The following SNTG2 variants were observed in gnomAD, a reference collection of about 807,000 sequenced individuals.
SNTG2 encodes gamma-2-syntrophin.
In SNTG2, 74 loss-of-function variants were observed where a neutral mutation model predicts 70.9. The observed-to-expected ratio is 1.04, with a 90% CI of 0.86 to 1.27. SNTG2 has a LOEUF of 1.27. SNTG2 is among the 50% of genes most tolerant of loss of function. The pLI, the probability that SNTG2 is intolerant of heterozygous loss-of-function variation, is 0.00. For synonymous variants in SNTG2, 278 were observed against 273.8 expected, an observed-to-expected ratio of 1.02 and a Z score of -0.15; for missense variants, 717 against 690.7, an observed-to-expected ratio of 1.04 and a Z score of -0.43.
intron 4 of SNTG2, among the ~76,000 whole-genome samples, chr2:1,125,462 T>G (rs1336503062): frequency 6.6e-6 from 1 of 152,208 alleles, no homozygotes; most frequent in Non-Finnish European, 1.5e-5. Flanking sequence ...CATTTGTGCA[T>G]ATTTTTATTT....
intron 14 of SNTG2, among the ~76,000 whole-genome samples, chr2:1,294,300 A>G (rs1358112730): frequency 6.6e-6 from 1 of 152,212 alleles, no homozygotes; most frequent in Non-Finnish European, 1.5e-5. Context: ...CATTAGGGAC[A>G]GACCCCAACC....
chr2:965,515 CCCT>C (rs1299002582), intron 1 of SNTG2, among the ~76,000 whole-genome samples: 1 of 148,502 alleles, frequency 6.7e-6, no homozygotes, highest in Non-Finnish European at 1.5e-5. Context: ...CTTCAGGGTC[CCCT>C]CCTCCTGGCC....
intron 1 of SNTG2, among the ~76,000 whole-genome samples, chr2:1,007,500 G>A (rs1170865866): frequency 6.6e-6 from 1 of 152,114 alleles, no homozygotes; most frequent in East Asian, 1.9e-4. Context: ...AATTATATGT[G>A]TTACACATTG....
intron 4 of SNTG2, among the ~76,000 whole-genome samples, chr2:1,132,129 T>G (rs553001183): frequency 6.6e-6 from 1 of 152,280 alleles, no homozygotes; most frequent in South Asian, 2.1e-4. Flanking sequence ...ACTTAAAGTT[T>G]CAGAAATCTT....
intron 7 of SNTG2, among the ~76,000 whole-genome samples, chr2:1,169,698 T>G (rs1188924384): frequency 6.6e-6 from 1 of 152,174 alleles, no homozygotes; most frequent in African/African-American, 2.4e-5. Context: ...GTGACTTCAA[T>G]GAGCGTTGCT....
At chr2:1,088,266 ACT>A (rs1165331334) in intron 2 of SNTG2, among the ~76,000 whole-genome samples, 1 of 151,984 alleles carries the variant, frequency 6.6e-6, no homozygotes, top group East Asian at 1.9e-4. Flanking sequence ...TAGTTTGTTA[ACT>A]CTTCCATTTT....
intron 4 of SNTG2, among the ~76,000 whole-genome samples, chr2:1,102,018 A>T (rs1360931130): frequency 6.6e-6 from 1 of 152,220 alleles, no homozygotes; most frequent in African/African-American, 2.4e-5. Context: ...TATTTAATAA[A>T]CAACTTCTAC....
chr2:1,245,602 T>C (rs2148127336), intron 11 of SNTG2, among the ~76,000 whole-genome samples: 1 of 152,352 alleles, frequency 6.6e-6, no homozygotes, highest in South Asian at 2.1e-4. Context: ...CTGCTAAATT[T>C]GCTAGAAAAA....
intron 11 of SNTG2, among the ~76,000 whole-genome samples, chr2:1,241,410 A>G (rs1677036288): frequency 6.6e-6 from 1 of 152,158 alleles, no homozygotes; most frequent in South Asian, 2.1e-4. Flanking sequence ...TTGTAGCTAT[A>G]CTGGAATTAC....
At chr2:1,336,089 G>T (rs1659802111) in intron 16 of SNTG2, among the ~76,000 whole-genome samples, 1 of 152,084 alleles carries the variant, frequency 6.6e-6, no homozygotes, top group Non-Finnish European at 1.5e-5. Flanking sequence ...AAAGGCATTG[G>T]TAAAGAGATA....
At chr2:1,265,775 G>T (rs1678695838) in intron 13 of SNTG2, among the ~76,000 whole-genome samples, 1 of 152,258 alleles carries the variant, frequency 6.6e-6, no homozygotes, top group Non-Finnish European at 1.5e-5. Context: ...AGATATCTCA[G>T]AATCATGATG....
chr2:1,261,846 G>A (rs188906266), intron 13 of SNTG2, among the ~76,000 whole-genome samples: 1 of 152,172 alleles, frequency 6.6e-6, no homozygotes, highest in African/African-American at 2.4e-5. Flanking sequence ...GGAAGTGGAC[G>A]AGGACTTTCC....
At chr2:1,049,671 G>C (rs1661943019) in intron 1 of SNTG2, among the ~76,000 whole-genome samples, 1 of 152,206 alleles carries the variant, frequency 6.6e-6, no homozygotes, top group South Asian at 2.1e-4. Flanking sequence ...AAGCATGCCT[G>C]CTGGATGATA....
intron 1 of SNTG2, among the ~76,000 whole-genome samples, chr2:1,072,340 TTTC>T (rs1431367703): frequency 9.3e-4 from 16 of 17,138 alleles, no homozygotes; most frequent in Admixed American, 2.2e-3. Context: ...TTCTTTTCTT[TTTC>T]TTTTTCTTTT....
intron 16 of SNTG2, among the ~76,000 whole-genome samples, chr2:1,347,007 TA>T (rs544637004): frequency 2.5e-4 from 37 of 149,402 alleles, no homozygotes; most frequent in South Asian, 1.9e-3. Context: ...ACAGATTAAT[TA>T]AAAAAAAAAT....
chr2:1,106,073 ACACC>A (rs1558404873), intron 4 of SNTG2, among the ~76,000 whole-genome samples: 1,960 of 141,346 alleles, frequency 0.014, 30 homozygotes, highest in South Asian at 0.056. Flanking sequence ...GTAATAGTGG[ACACC>A]TGCTGTCACT....
intron 6 of SNTG2, among the ~76,000 whole-genome samples, chr2:1,153,124 C>CAAAAA (rs60254441): frequency 0.057 from 7,650 of 133,918 alleles, 279 homozygotes; most frequent in South Asian, 0.17. Flanking sequence ...AACTCCATCT[C>CAAAAA]AAAAAAAAAA....
chr2:1,145,087 A>G (rs1403089154), intron 6 of SNTG2, among the ~76,000 whole-genome samples: 3 of 152,214 alleles, frequency 2.0e-5, no homozygotes, highest in Non-Finnish European at 4.4e-5. Context: ...AGAAAGAAAT[A>G]TATAGAATTG....
intron 1 of SNTG2, among the ~76,000 whole-genome samples, chr2:985,785 G>C (rs1661292818): frequency 6.6e-6 from 1 of 152,076 alleles, no homozygotes; most frequent in South Asian, 2.1e-4. Flanking sequence ...TTTTATCCTA[G>C]CTGCTTTCAG....
Sources: allele counts gnomAD v4.1 joint callset (sites outside exome capture counted in the v4.1 genomes callset), GRCh38; gene constraint gnomAD v4.1.1; transcripts MANE v1.5; gene names NCBI Gene and HGNC (gene_info 2026-07-23, HGNC 2026-07-21).